Variants in SH3KBP1 observed in about 807,000 individuals in gnomAD.
SH3KBP1 encodes the protein SH3 domain containing kinase binding protein 1, also known as SH3 domain-containing kinase-binding protein 1.
A neutral mutation model predicts 50.1 loss-of-function variants in SH3KBP1; 8 were observed. That is an observed-to-expected ratio of 0.16 (90% CI 0.09 to 0.29). The LOEUF (loss-of-function observed/expected upper bound fraction) is 0.29. Ranked by LOEUF, SH3KBP1 falls within the 10% of genes least tolerant of loss-of-function variation. SH3KBP1 has a pLI of 1.00. For synonymous variants in SH3KBP1, 227 were observed against 218.6 expected (o/e 1.04, Z -0.34); for missense variants, 377 against 535.2 (o/e 0.70, Z 2.92).
chrX:19,795,942 C>T (rs764777370), intron 2 of SH3KBP1, among the ~76,000 whole-genome samples: 11 of 111,735 alleles, frequency 9.8e-5, no homozygotes, highest in Non-Finnish European at 1.5e-4. Flanking sequence ...ATAAACTAAG[C>T]ATAGTTTACA....
intron 1 of SH3KBP1, among the ~76,000 whole-genome samples, chrX:19,849,205 G>A (rs1470554337): frequency 3.6e-5 from 4 of 110,744 alleles, no homozygotes; most frequent in African/African-American, 1.3e-4. Context: ...GCCAACAAAC[G>A]GAACCTGAAT....
intron 13 of SH3KBP1, among the ~76,000 whole-genome samples, chrX:19,565,745 C>T (rs912986216): frequency 9.0e-6 from 1 of 111,523 alleles, no homozygotes; most frequent in Non-Finnish European, 1.9e-5. Flanking sequence ...CCCAAACATG[C>T]TTACAAAACA....
At chrX:19,813,010 G>A (rs1206668590) in intron 2 of SH3KBP1, among the ~76,000 whole-genome samples, 7 of 109,252 alleles carry the variant, frequency 6.4e-5, no homozygotes, top group Admixed American at 2.9e-4. Flanking sequence ...AGATGTGGTG[G>A]TACGCGCCTG....
chrX:19,600,353 T>C (rs1025307764), intron 9 of SH3KBP1, among the ~76,000 whole-genome samples: 1 of 110,376 alleles, frequency 9.1e-6, no homozygotes, highest in Non-Finnish European at 1.9e-5. Context: ...CACTGCACTC[T>C]AGCCTGGGCA....
rs1048665811 is a variant in SH3KBP1, at chrX:19,535,508, A to G, written c.*909T>C. The G allele has an allele frequency of 2.7e-5, 3 of 112,276 alleles. No homozygotes were observed. Among genetic ancestry groups the G allele is most frequent in the African/African-American group, 9.7e-5 (3 of 30,833 alleles). The allele number at this position is 112,276 out of a possible 1,213,427, so 9.3% of individuals were successfully genotyped here. ...AGAAAGCAGGGGTTTAACTTGGCTG[A>G]TGAAAAATCAAGCAGGATGACATTT... On this transcript the variant is annotated 3_prime_UTR_variant, in exon 18 of 18. Coordinates refer to ENST00000397821, the MANE Select transcript of SH3KBP1 (RefSeq NM_031892.3).
At chrX:19,669,327 T>TAA (rs5901661) in intron 6 of SH3KBP1, among the ~76,000 whole-genome samples, 547 of 102,176 alleles carry the variant, frequency 5.4e-3, no homozygotes, top group African/African-American at 8.3e-3. Flanking sequence ...ATAATAATAA[T>TAA]TATTATTATT....
In SH3KBP1 at chrX:19,588,553, T is replaced by G. The variant is rs772440362; in HGVS notation, c.1298+90A>C. The G allele has an allele frequency of 1.5e-4, 177 of 1,208,147 alleles. No individual in the cohort carries two copies. In the African/African-American group the frequency reaches 2.7e-3, roughly 18 times the overall value. ...TTGAGCACCCCCTTCTCCTCTCCCTTCCTCCCAAGGTCTGTGGCAGTCAGT... is the reference window on the plus strand; with the variant it reads ...TTGAGCACCCCCTTCTCCTCTCCCTGCCTCCCAAGGTCTGTGGCAGTCAGT... On this transcript the variant is annotated intron_variant, in intron 12 of 17. Transcript: ENST00000397821.
chrX:19,566,708 G>A (rs1486550492), intron 13 of SH3KBP1, among the ~76,000 whole-genome samples: 2 of 112,201 alleles, frequency 1.8e-5, no homozygotes, highest in Non-Finnish European at 3.8e-5. Flanking sequence ...GCAGGCCAGA[G>A]TTTCTGTTAT....
intron 13 of SH3KBP1, among the ~76,000 whole-genome samples, chrX:19,565,926 CTT>C (rs377522104): frequency 5.1e-5 from 5 of 97,841 alleles, no homozygotes; most frequent in Admixed American, 1.1e-4. Context: ...TTTTGGAGAC[CTT>C]TTTTTTTTTT....
intron 8 of SH3KBP1, among the ~76,000 whole-genome samples, chrX:19,628,026 C>T (rs180996562): frequency 2.8e-4 from 31 of 112,280 alleles, no homozygotes; most frequent in Non-Finnish European, 4.9e-4. Context: ...AACTTCTGGG[C>T]GATTCCTAAC....
intron 2 of SH3KBP1, among the ~76,000 whole-genome samples, chrX:19,825,095 T>G (rs754218715): frequency 8.0e-5 from 9 of 112,003 alleles, no homozygotes; most frequent in African/African-American, 2.9e-4. Context: ...TTACCACTGA[T>G]AGAAAAGACA....
intron 2 of SH3KBP1, among the ~76,000 whole-genome samples, chrX:19,807,274 A>T (rs1176761395): frequency 9.0e-6 from 1 of 111,432 alleles, no homozygotes; most frequent in Non-Finnish European, 1.9e-5. Flanking sequence ...TTTAAAGAAA[A>T]CTCACCCACC....
At chrX:19,680,317 T>C (rs2063017396) in intron 6 of SH3KBP1, among the ~76,000 whole-genome samples, 1 of 106,952 alleles carries the variant, frequency 9.3e-6, no homozygotes. Flanking sequence ...GAGGCAGAGG[T>C]TGCTGTGAGC....
At chrX:19,670,347 G>T (rs1408580432) in intron 6 of SH3KBP1, 2 of 751,441 alleles carry the variant, frequency 2.7e-6, no homozygotes, top group South Asian at 6.8e-5. Context: ...TCCAAATGTC[G>T]GTGACCCTCA....
chrX:19,774,173 C>T (rs1209178826), intron 2 of SH3KBP1, among the ~76,000 whole-genome samples: 5 of 111,337 alleles, frequency 4.5e-5, no homozygotes, highest in Non-Finnish European at 9.4e-5. Context: ...TCTTTTTTGA[C>T]TGTCTTTTTT....
intron 2 of SH3KBP1, among the ~76,000 whole-genome samples, chrX:19,793,568 G>GT (rs1216621009): frequency 1.8e-5 from 2 of 110,393 alleles, no homozygotes; most frequent in Non-Finnish European, 3.8e-5. Context: ...GGGAGAAGAG[G>GT]TTTTGTAAAC....
At chrX:19,675,078 C>CAAATAAAT (rs112493377) in intron 6 of SH3KBP1, among the ~76,000 whole-genome samples, 2,401 of 106,658 alleles carry the variant, frequency 0.023, 95 homozygotes, top group African/African-American at 0.075. Flanking sequence ...GACCCTGCCT[C>CAAATAAAT]AAATAAATAA....
At chrX:19,735,631 A>G (rs1411631567) in intron 3 of SH3KBP1, among the ~76,000 whole-genome samples, 1 of 101,671 alleles carries the variant, frequency 9.8e-6, no homozygotes, top group African/African-American at 3.7e-5. Context: ...ATTTCCTTCT[A>G]TTGTTGATTT....
chrX:19,719,966 G>A lies in SH3KBP1; in HGVS notation c.287-12982C>T, dbSNP rs1017455782. On this transcript the variant is annotated intron_variant, in intron 3 of 17. Transcript: ENST00000397821. Reference sequence around the variant, plus strand: ...ACTCACCCAGCATTGCAACCCCTGCGTGGCTCTCTGCCTCGGTTTTCTCAC... The same window carrying A: ...ACTCACCCAGCATTGCAACCCCTGCATGGCTCTCTGCCTCGGTTTTCTCAC... Among the ~76,000 whole-genome samples the A allele has an allele frequency of 8.2e-5, 9 of 109,652 alleles. No homozygotes were observed. In the East Asian group the frequency reaches 1.4e-3, roughly 17 times the overall value.
Sources: allele counts gnomAD v4.1 joint callset (sites outside exome capture counted in the v4.1 genomes callset), GRCh38; gene constraint gnomAD v4.1.1; transcripts MANE v1.5; gene names NCBI Gene and HGNC (gene_info 2026-07-23, HGNC 2026-07-21).